The following CHPF variants were observed in gnomAD, a reference collection of about 807,000 sequenced individuals.
The protein encoded by CHPF is chondroitin polymerizing factor, non-catalytic subunit.
In CHPF, 34 loss-of-function variants were observed where a neutral mutation model predicts 55.1. The ratio of observed to expected loss-of-function variants is 0.62; its 90% confidence interval spans 0.47 to 0.82. The LOEUF (loss-of-function observed/expected upper bound fraction) is 0.82. Ranked by LOEUF, CHPF falls within the 40% of genes least tolerant of loss-of-function variation. CHPF has a pLI of 0.00. For synonymous variants in CHPF, 489 were observed against 496.6 expected, an observed-to-expected ratio of 0.98 and a Z score of 0.20; for missense variants, 961 against 1,106.1, an observed-to-expected ratio of 0.87 and a Z score of 1.86.
In CHPF at chr2:219,539,685, C is replaced by T. The variant is rs1455411310; in HGVS notation, c.2026G>A (p.Glu676Lys). The change falls in exon 4 of 4, where the codon GAG becomes AAG. Residue 676 changes from glutamate (E) to lysine (K), a missense_variant. Physicochemically the swap from Glu to Lys is moderately conservative, Grantham distance 56 (BLOSUM62 1). Transcript: ENST00000243776. ...TAGTCGGAGTTGTAGAAGCAGGCCTCGCTGGCTGCCTGGCGATCAAAGCGG... is the reference window on the plus strand; with the variant it reads ...TAGTCGGAGTTGTAGAAGCAGGCCTTGCTGGCTGCCTGGCGATCAAAGCGG... ...TGRFDRQAAS[E>K]ACFYNSDYVA... 3.4e-5 allele frequency: 55 copies of T among 1,613,354 alleles called. No homozygotes were observed. The highest frequency in any genetic ancestry group is 1.6e-4 in the Middle Eastern group (1 of 6,082).
chr2:219,543,742 C>A lies in CHPF; in HGVS notation c.-204G>T, dbSNP rs962537219. On this transcript the variant is annotated 5_prime_UTR_variant, in exon 1 of 4. Coordinates refer to ENST00000243776, the MANE Select transcript of CHPF (RefSeq NM_024536.6). ...ATTCCCCTCCAGCAGCTGCTCTGGG[C>A]TGCGCAGGGTTCTTGCGCTCGGCAC... 2 of 456,136 alleles carry A rather than the reference C, an allele frequency of 4.4e-6. No individual in the cohort carries two copies. Among genetic ancestry groups the A allele is most frequent in the Middle Eastern group, 5.5e-4 (1 of 1,816 alleles). The allele number at this position is 456,136 out of a possible 1,614,324, so 28.3% of individuals were successfully genotyped here.
chr2:219,541,634 GCCCA>G lies in CHPF; in HGVS notation c.866_869del (p.Val289AlafsTer16). ...ATCCCACCTCGTGGTCACCAGTGCA[GCCCA>G]CCCCGGTGGCATCGAGAATGCAGCG... On this transcript the variant is annotated frameshift_variant, in exon 2 of 4. Transcript: ENST00000243776. LOFTEE classifies it high-confidence loss of function. 1 of 1,583,622 alleles carries G rather than the reference GCCCA, an allele frequency of 6.3e-7. No individual in the cohort carries two copies. Among genetic ancestry groups the G allele is most frequent in the Non-Finnish European group, 8.6e-7 (1 of 1,161,534 alleles).
chr2:219,539,613 C>G lies in CHPF; in HGVS notation c.2098G>C (p.Glu700Gln), dbSNP rs755993200. 4 of 1,613,878 alleles carry G rather than the reference C, an allele frequency of 2.5e-6. No individual in the cohort carries two copies. Among genetic ancestry groups the G allele is most frequent in the Non-Finnish European group, 3.4e-6 (4 of 1,179,960 alleles). Residue 700 changes from glutamate to glutamine, a missense_variant, in exon 4 of 4, where the codon GAG becomes CAG. By Grantham distance (29) the Glu-to-Gln change is conservative. Around this residue, in one of 3 missense-constraint regions of CHPF, gnomAD observed 936 missense variants for 1,058.4 expected, o/e 0.88. Coordinates refer to ENST00000243776, the MANE Select transcript of CHPF (RefSeq NM_024536.6). ...TACACATCCAGGCTCTCCAGCAGCTCCTCTTCTTGTTCTGAGGCTGCCGCC... is the reference window on the plus strand; with the variant it reads ...TACACATCCAGGCTCTCCAGCAGCTGCTCTTCTTGTTCTGAGGCTGCCGCC... ...RLAAASEQEE[E>Q]LLESLDVYEL... is the part of the protein sequence containing the mutation.
rs1695251657 is a variant in CHPF, at chr2:219,540,650, A to G, written c.1069-8T>C. On this transcript the variant is annotated splice_polypyrimidine_tract_variant and splice_region_variant and intron_variant, in intron 3 of 3. Transcript: ENST00000243776. ...GGTATTCTGGATCTCCCACTGGATC[A>G]GAGAAACAGGCCATCAGCAAGGGAC... 1 of 1,582,570 alleles carries G rather than the reference A, an allele frequency of 6.3e-7. No homozygotes were observed. The highest frequency in any genetic ancestry group is 2.3e-5 in the East Asian group (1 of 44,222).
In CHPF at chr2:219,540,097, A is replaced by G. The variant is rs1163603746; in HGVS notation, c.1614T>C (p.Asp538=). 7 of 1,605,110 alleles carry G rather than the reference A, an allele frequency of 4.4e-6. No homozygotes were observed. The highest frequency in any genetic ancestry group is 6.0e-6 in the Non-Finnish European group (7 of 1,176,394). ...AFATAALEPG[D]AAAALTLLLL... ...GCAGCAGGGTCAGGGCTGCCGCAGC[A>G]TCACCAGGCTCCAGTGCTGCAGTGG... Residue 538 remains aspartate, a synonymous_variant, in exon 4 of 4, where the codon GAT becomes GAC. Transcript: ENST00000243776.
chr2:219,542,123 C>A lies in CHPF; in HGVS notation c.381G>T (p.Gln127His). The change falls in exon 2 of 4, where the codon CAG (glutamine) becomes CAT (histidine). Residue 127 changes from glutamine (Q) to histidine (H), a missense_variant. Gln to His is a conservative substitution (Grantham distance 24). Coordinates refer to ENST00000243776, the MANE Select transcript of CHPF (RefSeq NM_024536.6). Reference sequence around the variant, plus strand: ...CCACGCCCAGCGTGGGCAGCGTGGTCTGAGAGGTCAGCACCGCCACCAGCA... The same window carrying A: ...CCACGCCCAGCGTGGGCAGCGTGGTATGAGAGGTCAGCACCGCCACCAGCA... ...QRLLVAVLTS[Q>H]TTLPTLGVAV... 1 of 1,567,106 alleles carries A rather than the reference C, an allele frequency of 6.4e-7. No homozygotes were observed. Among genetic ancestry groups the A allele is most frequent in the Non-Finnish European group, 8.6e-7 (1 of 1,162,946 alleles).
At chr2:219,541,202 T>C in intron 2 of CHPF, 77 bp from the exon 3 acceptor site, 1 of 1,356,392 alleles carries the variant, frequency 7.4e-7, no homozygotes, top group Non-Finnish European at 9.9e-7. Context: ...TCTCATCTCC[T>C]CAGCCTATGA....
rs914972144 is a variant in CHPF, at chr2:219,543,333, G to C, written c.206C>G (p.Ala69Gly). The C allele has an allele frequency of 6.4e-7, 1 of 1,570,254 alleles. No individual in the cohort carries two copies. Among genetic ancestry groups the C allele is most frequent in the Non-Finnish European group, 8.6e-7 (1 of 1,168,090 alleles). ...GCCGGCCCCGGGCTTCTCGCGCTCC[G>C]CTCCGGGCTGCACCGAGTTGGGCCG... Reference protein sequence around the residue: ...ARRPNSVQPGAEREKPGAGEG... With the variant: ...ARRPNSVQPGGEREKPGAGEG... Residue 69 changes from alanine (A) to glycine (G), a missense_variant, in exon 1 of 4, where the codon GCG becomes GGG. Transcript: ENST00000243776.
In CHPF at chr2:219,542,062, C is replaced by T; in HGVS notation, c.442G>A (p.Val148Met). 6.3e-7 allele frequency: 1 copy of T among 1,576,468 alleles called. No homozygotes were observed. Among genetic ancestry groups the T allele is most frequent in the East Asian group, 2.3e-5 (1 of 43,360 alleles). Residue 148 changes from valine to methionine, a missense_variant, in exon 2 of 4, where the codon GTG becomes ATG. Physicochemically the swap from Val to Met is conservative, Grantham distance 21. Around this residue, in one of 3 missense-constraint regions of CHPF, gnomAD observed 936 missense variants for 1,058.4 expected, o/e 0.88. Transcript: ENST00000243776. Reference protein sequence around the residue: ...NRTLGHRLERVVFLTGARGRR... With the variant: ...NRTLGHRLERMVFLTGARGRR... ...CCCCGTGCGCCCGTCAGGAACACCA[C>T]ACGCTCCAGCCGGTGCCCCAGCGTG... is the stretch of plus-strand genomic sequence containing the variant.
At position 219,542,070 on chromosome 2, in the gene CHPF, A is replaced by G; in HGVS notation, c.434T>C (p.Leu145Pro). The change falls in exon 2 of 4, where the codon CTG (leucine) becomes CCG (proline). Residue 145 changes from leucine (L) to proline (P), a missense_variant. Leu to Pro is a moderately conservative substitution (Grantham distance 98, BLOSUM62 -3). Coordinates refer to ENST00000243776, the MANE Select transcript of CHPF (RefSeq NM_024536.6). ...VAVNRTLGHR[L>P]ERVVFLTGAR... Reference sequence around the variant, plus strand: ...GCCCGTCAGGAACACCACACGCTCCAGCCGGTGCCCCAGCGTGCGGTTCAC... The same window carrying G: ...GCCCGTCAGGAACACCACACGCTCCGGCCGGTGCCCCAGCGTGCGGTTCAC... The G allele has an allele frequency of 1.9e-6, 3 of 1,574,774 alleles. No homozygotes were observed. Among genetic ancestry groups the G allele is most frequent in the Non-Finnish European group, 2.6e-6 (3 of 1,165,668 alleles).
rs773889943 is a variant in CHPF at position 219,539,635 on chromosome 2, C to T, written c.2076G>A (p.Ala692=). 1.1e-5 allele frequency: 17 copies of T among 1,612,950 alleles called. No homozygotes were observed. Among genetic ancestry groups the T allele is most frequent in the Admixed American group, 3.3e-5 (2 of 60,016 alleles). Residue 692 remains alanine (A), a synonymous_variant, in exon 4 of 4, where the codon GCG becomes GCA. Transcript: ENST00000243776. ...GCTCCTCTTCTTGTTCTGAGGCTGC[C>T]GCCAGGCGCCCACGGGCTGCCACAT... ...SDYVAARGRL[A]AASEQEEELL... is the part of the protein sequence containing the mutation.
At position 219,539,733 on chromosome 2, in the gene CHPF, G is replaced by A; in HGVS notation, c.1978C>T (p.Pro660Ser). Residue 660 changes from proline (P) to serine (S), a missense_variant, in exon 4 of 4, where the codon CCA (proline) becomes TCA (serine). Transcript: ENST00000243776. Reference sequence around the variant, plus strand: ...CGGCCAGTGTCACGGCCCAGCTCTGGGGGCCCAGGCCCTTGTGGTGGGGCC... The same window carrying A: ...CGGCCAGTGTCACGGCCCAGCTCTGAGGGCCCAGGCCCTTGTGGTGGGGCC... ...AVAPPQGPGP[P>S]ELGRDTGRFD... 1.2e-6 allele frequency: 2 copies of A among 1,613,524 alleles called. No individual in the cohort carries two copies. The highest frequency in any genetic ancestry group is 8.5e-7 in the Non-Finnish European group (1 of 1,179,986).
At position 219,539,709 on chromosome 2, in the gene CHPF, G is replaced by A. The variant is rs772953039; in HGVS notation, c.2002C>T (p.Arg668Cys). 2.0e-5 allele frequency: 33 copies of A among 1,613,420 alleles called. No homozygotes were observed. Among genetic ancestry groups the A allele is most frequent in the South Asian group, 4.4e-5 (4 of 91,076 alleles). The change falls in exon 4 of 4, where the codon CGC becomes TGC. Residue 668 changes from arginine (R) to cysteine (C), a missense_variant. Arg to Cys is a radical substitution (Grantham distance 180). Transcript: ENST00000243776. Reference protein sequence around the residue: ...GPPELGRDTGRFDRQAASEAC... With the variant: ...GPPELGRDTGCFDRQAASEAC... ...TCGCTGGCTGCCTGGCGATCAAAGC[G>A]GCCAGTGTCACGGCCCAGCTCTGGG...
rs751916266 is a variant in CHPF at position 219,542,067 on chromosome 2, T to G, written c.437A>C (p.Glu146Ala). 2 of 1,574,348 alleles carry G rather than the reference T, an allele frequency of 1.3e-6. No individual in the cohort carries two copies. Among genetic ancestry groups the G allele is most frequent in the Non-Finnish European group, 1.7e-6 (2 of 1,165,634 alleles). ...AVNRTLGHRL[E>A]RVVFLTGARG... ...TGCGCCCGTCAGGAACACCACACGC[T>G]CCAGCCGGTGCCCCAGCGTGCGGTT... Residue 146 changes from glutamate to alanine, a missense_variant, in exon 2 of 4, where the codon GAG becomes GCG. Transcript: ENST00000243776.
At position 219,541,125 on chromosome 2, in the gene CHPF, C is replaced by G. The variant is rs1256466253; in HGVS notation, c.889G>C (p.Gly297Arg). ...TGVGCTGDHE[G>R]VHYSHLELSP... ...AGCTCCAGATGGCTATAGTGCACCC[C>G]CTGGGGAGAGGAAGGGAAGGGATCT... Residue 297 changes from glycine (G) to arginine (R), a missense_variant and splice_region_variant, in exon 3 of 4, where the codon GGG becomes CGG. By Grantham distance (125) the Gly-to-Arg change is moderately radical. This residue lies in a region of CHPF where 936 missense variants were observed against 1,058.4 expected (regional missense o/e 0.88). Coordinates refer to ENST00000243776, the MANE Select transcript of CHPF (RefSeq NM_024536.6). 2 of 1,583,650 alleles carry G rather than the reference C, an allele frequency of 1.3e-6. No individual in the cohort carries two copies. The highest frequency in any genetic ancestry group is 2.7e-5 in the African/African-American group (2 of 73,466).
In CHPF at chr2:219,543,353, G is replaced by A. The variant is rs759890799; in HGVS notation, c.186C>T (p.Pro62=). The A allele has an allele frequency of 1.9e-6, 3 of 1,564,230 alleles. No individual in the cohort carries two copies. Among genetic ancestry groups the A allele is most frequent in the Non-Finnish European group, 2.6e-6 (3 of 1,164,936 alleles). ...PRGNTNAARR[P]NSVQPGAERE... is the part of the protein sequence containing the mutation. ...GCTCCGCTCCGGGCTGCACCGAGTT[G>A]GGCCGGCGCGCCGCGTTGGTGTTGC... The change falls in exon 1 of 4, where the codon CCC becomes CCT. Residue 62 remains proline (P), a synonymous_variant. Transcript: ENST00000243776.
chr2:219,539,265 C>T lies in CHPF; in HGVS notation c.*118G>A. The T allele has an allele frequency of 9.8e-7, 1 of 1,023,112 alleles. No homozygotes were observed. Among genetic ancestry groups the T allele is most frequent in the Non-Finnish European group, 1.4e-6 (1 of 717,402 alleles). The allele number at this position is 1,023,112 out of a possible 1,614,324, so 63.4% of individuals were successfully genotyped here. A position where few individuals can be genotyped will look rare whatever the true frequency, so the allele number is the denominator to read the frequency against. Reference sequence around the variant, plus strand: ...CAGAGCCAGAGAGGGGACCAGTGGGCCAGCTTGGGGTCTGGCTACGGCCAG... The same window carrying T: ...CAGAGCCAGAGAGGGGACCAGTGGGTCAGCTTGGGGTCTGGCTACGGCCAG... On this transcript the variant is annotated 3_prime_UTR_variant, in exon 4 of 4. Transcript: ENST00000243776.
At chr2:219,540,914 G>C in intron 3 of CHPF, 32 bp downstream of exon 3, 1 of 1,602,100 alleles carries the variant, frequency 6.2e-7, no homozygotes, top group Non-Finnish European at 8.5e-7. Context: ...TCCTGTCCCC[G>C]TCACTCTGCC....
rs1371326907 is a variant in CHPF at position 219,540,111 on chromosome 2, G to A, written c.1600C>T (p.Leu534=). The part of the protein sequence containing the change: ...GFLEAFATAA[L]EPGDAAAALT... ...GCTGCCGCAGCATCACCAGGCTCCA[G>A]TGCTGCAGTGGCAAAGGCCTCCAAG... Residue 534 remains leucine (L), a synonymous_variant, in exon 4 of 4, where the codon CTG becomes TTG. Transcript: ENST00000243776. 6.2e-7 allele frequency: 1 copy of A among 1,602,750 alleles called. No individual in the cohort carries two copies. Among genetic ancestry groups the A allele is most frequent in the Admixed American group, 1.7e-5 (1 of 58,318 alleles).
Sources: allele counts gnomAD v4.1 joint callset, GRCh38; gene constraint gnomAD v4.1.1; regional missense constraint gnomAD v4.1.1; transcripts MANE v1.5; gene names NCBI Gene and HGNC (gene_info 2026-07-23, HGNC 2026-07-21).